The following MCF2L2 variants were observed in gnomAD, a reference collection of about 807,000 sequenced individuals.
The protein encoded by MCF2L2 is probable guanine nucleotide exchange factor MCF2L2.
In MCF2L2, 102 loss-of-function variants were observed where a neutral mutation model predicts 150.2. The observed-to-expected ratio is 0.68, with a 90% confidence interval of 0.58 to 0.80. The LOEUF (loss-of-function observed/expected upper bound fraction) is 0.80, where lower values mean the gene tolerates loss of function less well. Ranked by LOEUF, MCF2L2 falls within the 30% of genes least tolerant of loss-of-function variation. The pLI is 0.00. For missense variants in MCF2L2, 1,256 were observed against 1,372.8 expected (o/e 0.91, Z 1.34); for synonymous variants, 465 against 491.3 (o/e 0.95, Z 0.71).
chr3:183,180,964 C>G (rs1374952629), intron 27 of MCF2L2, among the ~76,000 whole-genome samples: 1 of 152,240 alleles, frequency 6.6e-6, no homozygotes, highest in African/African-American at 2.4e-5. Context: ...GCTCACAAGC[C>G]AGGGTAGGGA....
Position 183,270,611 on chromosome 3 carries a change from A to T in MCF2L2, c.1862+6261T>A, listed in dbSNP as rs1225954862. 1 of 1,614,212 alleles carries T rather than the reference A, an allele frequency of 6.2e-7. No homozygotes were observed. The highest frequency in any genetic ancestry group is 8.5e-7 in the Non-Finnish European group (1 of 1,180,030). On this transcript the variant is annotated intron_variant, in intron 15 of 29. Coordinates refer to ENST00000328913, the MANE Select transcript of MCF2L2 (RefSeq NM_015078.4). This position sits in a 1 kb window ranked among gnomAD's most constrained non-coding sequence, Gnocchi z 4.5. ...ATGTAGCTGCCAAAGTCTATGAGGC[A>T]TCACAGACACTAAATTCAAGTCTTT... is the stretch of plus-strand genomic sequence containing the variant.
chr3:183,238,889 C>T lies in MCF2L2; in HGVS notation c.1863-7872G>A, dbSNP rs554705875. 1.0e-3 allele frequency among the ~76,000 whole-genome samples: 148 copies of T among 147,220 alleles called. 1 individual carries two copies. The highest frequency in any genetic ancestry group is 3.5e-3 in the African/African-American group (141 of 39,958). On this transcript the variant is annotated intron_variant, in intron 15 of 29. Transcript: ENST00000328913. ...GTGGGTGCCTGTAGTCCCAGCTACT[C>T]GGGAGGCTGAGACAGGAGAATGGCG...
intron 8 of MCF2L2, 29 bp downstream of exon 8, chr3:183,311,618 GA>G: frequency 6.2e-7 from 1 of 1,612,784 alleles, no homozygotes; most frequent in African/African-American, 1.3e-5. Flanking sequence ...ATTCTCTCCT[GA>G]AAAGGCTGAT....
intron 11 of MCF2L2, chr3:183,298,753 T>A (rs945863437): frequency 6.9e-5 from 6 of 86,968 alleles, no homozygotes; most frequent in African/African-American, 3.3e-4. Context: ...TCTCTCTCTC[T>A]CAAACACACA....
At chr3:183,369,464 A>G (rs1247733102) in intron 3 of MCF2L2, among the ~76,000 whole-genome samples, 1 of 152,172 alleles carries the variant, frequency 6.6e-6, no homozygotes, top group East Asian at 1.9e-4. Context: ...CCCTCAGATC[A>G]TGCTAATGCT....
Position 183,227,149 on chromosome 3 carries a change from G to A in MCF2L2, c.2115+1148C>T, listed in dbSNP as rs1240624629. ...AAAATAAAAATAAGAAAGAGAATGA[G>A]AAGGACTAGTTGAGAAAGAGAGGAG... On this transcript the variant is annotated intron_variant, in intron 18 of 29. Transcript: ENST00000328913. The surrounding 1 kb of genome is among the most constrained non-coding windows in gnomAD (Gnocchi z 4.0). The A allele has an allele frequency of 2.0e-5, 3 of 152,202 alleles. No homozygotes were observed. Among genetic ancestry groups the A allele is most frequent in the African/African-American group, 7.2e-5 (3 of 41,442 alleles). The allele number at this position is 152,202 out of a possible 1,614,324, so 9.4% of individuals were successfully genotyped here. A position where few individuals can be genotyped will look rare whatever the true frequency, so the allele number is the denominator to read the frequency against.
At chr3:183,190,299 A>G (rs536213) in intron 27 of MCF2L2, among the ~76,000 whole-genome samples, 125,386 of 152,130 alleles carry the variant, frequency 0.82, 52,751 homozygotes, top group East Asian at 0.91. Flanking sequence ...AGGACTCTCA[A>G]CACGCCACTT....
intron 2 of MCF2L2, among the ~76,000 whole-genome samples, chr3:183,384,451 AG>A (rs1017308638): frequency 6.6e-6 from 1 of 152,206 alleles, no homozygotes; most frequent in Admixed American, 6.5e-5. Context: ...TCCTAAGATC[AG>A]TGCTTGAGAT....
chr3:183,387,886 C>G (rs187669401), intron 2 of MCF2L2, among the ~76,000 whole-genome samples: 1 of 134,690 alleles, frequency 7.4e-6, no homozygotes. Flanking sequence ...GAGTTGAGAT[C>G]GTGCTATTGC....
chr3:183,418,348 A>G lies in MCF2L2; in HGVS notation c.76+9554T>C, dbSNP rs572280197. Among the ~76,000 whole-genome samples, 8 of 152,296 alleles carry G rather than the reference A, an allele frequency of 5.3e-5. No homozygotes were observed. In the East Asian group the frequency reaches 1.5e-3, roughly 29 times the overall value. The stretch of plus-strand genomic sequence containing the variant: ...AATTCAAGATGAGATTTGGATAGGA[A>G]CACAGAGCCAAACCATATTATTCCA... On this transcript the variant is annotated intron_variant, in intron 1 of 29. Transcript: ENST00000328913.
intron 3 of MCF2L2, chr3:183,373,300 C>T (rs1057119609): frequency 1.3e-5 from 2 of 152,082 alleles, no homozygotes; most frequent in African/African-American, 2.4e-5. Context: ...CCATAAGATT[C>T]ATGTGGGAAG....
intron 3 of MCF2L2, among the ~76,000 whole-genome samples, chr3:183,360,059 T>C (rs539427208): frequency 1.3e-5 from 2 of 152,292 alleles, no homozygotes; most frequent in African/African-American, 4.8e-5. Flanking sequence ...ATTGTGATAA[T>C]AGTGATGGTA....
chr3:183,358,789 A>T (rs1012683438), intron 3 of MCF2L2, among the ~76,000 whole-genome samples: 13 of 149,488 alleles, frequency 8.7e-5, no homozygotes, highest in Non-Finnish European at 1.0e-4. Context: ...TCCAGTTAAT[A>T]TTTTTTTTTT....
At chr3:183,427,019 G>A (rs1716197207) in intron 1 of MCF2L2, among the ~76,000 whole-genome samples, 1 of 152,158 alleles carries the variant, frequency 6.6e-6, no homozygotes. Flanking sequence ...ATAGTTCCTG[G>A]CTTTATCAAT....
chr3:183,343,727 C>T (rs975491018), intron 3 of MCF2L2, among the ~76,000 whole-genome samples: 2 of 152,002 alleles, frequency 1.3e-5, no homozygotes, highest in Non-Finnish European at 1.5e-5. Context: ...GTTATGTAAA[C>T]GTTAAATATG....
intron 27 of MCF2L2, chr3:183,180,436 T>A (rs901618706): frequency 2.5e-6 from 1 of 402,174 alleles, no homozygotes; most frequent in Non-Finnish European, 4.4e-6. Context: ...GTCATTGTTT[T>A]TTGTGTTTGC....
intron 27 of MCF2L2, among the ~76,000 whole-genome samples, chr3:183,186,746 G>A (rs1314427964): frequency 1.3e-5 from 2 of 152,156 alleles, no homozygotes; most frequent in Non-Finnish European, 2.9e-5. Context: ...TTGTGGAGAT[G>A]GGGTCTTGCG....
chr3:183,193,553 G>C (rs1174372215), intron 26 of MCF2L2, among the ~76,000 whole-genome samples: 1 of 152,088 alleles, frequency 6.6e-6, no homozygotes, highest in Admixed American at 6.5e-5. Flanking sequence ...GTTTCACCAT[G>C]TTGGCCAGGA....
intron 3 of MCF2L2, chr3:183,375,528 A>C (rs1713144596): frequency 6.6e-6 from 1 of 152,180 alleles, no homozygotes; most frequent in South Asian, 2.1e-4. Context: ...CTGCGGTCTG[A>C]GACATCGTCT....
Sources: gnomAD v4.1 joint callset for allele counts (sites outside exome capture counted in the v4.1 genomes callset) on GRCh38, gnomAD v4.1.1 for gene constraint, Gnocchi (gnomAD v3.1) non-coding constraint, MANE v1.5 for transcripts, NCBI Gene and HGNC (gene_info 2026-07-23, HGNC 2026-07-21) for gene names.